NEK8: variants seen among roughly 807,000 people sequenced by gnomAD.
NEK8 encodes NIMA related kinase 8.
A neutral mutation model predicts 77.2 loss-of-function variants in NEK8; 51 were observed. The observed-to-expected ratio is 0.66, with a 90% CI of 0.53 to 0.83. The LOEUF is 0.83. Among genes scored for constraint, NEK8 ranks in the 40% least tolerant of loss-of-function variants. The pLI, the probability that NEK8 is intolerant of heterozygous loss-of-function variation, is 0.00. For missense variants in NEK8, 787 were observed against 909.2 expected (o/e 0.87, Z 1.73); for synonymous variants, 365 against 363.2 (o/e 1.00, Z -0.06).
In NEK8 at chr17:28,742,144, GAT is replaced by G; in HGVS notation, c.*160_*161del. 1 of 799,844 alleles carries G rather than the reference GAT, an allele frequency of 1.3e-6. No homozygotes were observed. Among genetic ancestry groups the G allele is most frequent in the East Asian group, 2.5e-5 (1 of 40,704 alleles). The allele number at this position is 799,844 out of a possible 1,614,324, so 49.5% of individuals were successfully genotyped here. On this transcript the variant is annotated 3_prime_UTR_variant, in exon 15 of 15. Transcript: ENST00000268766. ...AACCCCTGCTCTGCTTTTGGCCTTG[GAT>G]ATGGAAACCTCAACCACTTTGTTCT... is the stretch of plus-strand genomic sequence containing the variant.
In NEK8 at chr17:28,740,888, G is replaced by A. The variant is rs1266091061; in HGVS notation, c.1635G>A (p.Glu545=). The change falls in exon 12 of 15, where the codon GAG becomes GAA. Residue 545 remains glutamate (E), a synonymous_variant. Transcript: ENST00000268766. The surrounding 1 kb of genome is among the most constrained non-coding windows in gnomAD (Gnocchi z 4.7). ...GEEPVPHQQV[E]EALSFTLLGS... is the part of the protein sequence containing the mutation. ...AGCCTGTCCCCCACCAGCAAGTGGAGGAGGCCCTGAGCTTCACACTACTAG... is the reference window on the plus strand; with the variant it reads ...AGCCTGTCCCCCACCAGCAAGTGGAAGAGGCCCTGAGCTTCACACTACTAG... 1 of 1,614,126 alleles carries A rather than the reference G, an allele frequency of 6.2e-7. No individual in the cohort carries two copies. Among genetic ancestry groups the A allele is most frequent in the Admixed American group, 1.7e-5 (1 of 60,024 alleles).
At position 28,741,926 on chromosome 17, in the gene NEK8, A is replaced by C. The variant is rs756888774; in HGVS notation, c.2051-33A>C. 1 of 1,613,714 alleles carries C rather than the reference A, an allele frequency of 6.2e-7. No homozygotes were observed. Among genetic ancestry groups the C allele is most frequent in the Non-Finnish European group, 8.5e-7 (1 of 1,179,660 alleles). ...TGATTTCTGGAGGCACTGCCCTCAG[A>C]AGCTGCAAGGGTTTCTCTTCGGTAC... On this transcript the variant is annotated intron_variant, in intron 14 of 14. Coordinates refer to ENST00000268766, the MANE Select transcript of NEK8 (RefSeq NM_178170.3). This position sits in a 1 kb window ranked among gnomAD's most constrained non-coding sequence, Gnocchi z 4.5.
At position 28,737,508 on chromosome 17, in the gene NEK8, T is replaced by C. The variant is rs2034376556; in HGVS notation, c.821T>C (p.Met274Thr). ...CACACCGACGTGGGCAGTGTCCGCA[T>C]GCGGAGGCCTGTGCAGGGACAGCGA... ...NLHTDVGSVRMRRAEKSVAPS... is the reference protein window; with the variant it reads ...NLHTDVGSVRTRRAEKSVAPS... The change falls in exon 5 of 15, where the codon ATG becomes ACG. Residue 274 changes from methionine (M) to threonine (T), a missense_variant. Physicochemically the swap from Met to Thr is moderately conservative, Grantham distance 81. Transcript: ENST00000268766. The surrounding 1 kb of genome is among the most constrained non-coding windows in gnomAD (Gnocchi z 4.8). 1 of 1,613,002 alleles carries C rather than the reference T, an allele frequency of 6.2e-7. No individual in the cohort carries two copies. Among genetic ancestry groups the C allele is most frequent in the South Asian group, 1.1e-5 (1 of 91,060 alleles).
intron 4 of NEK8, among the ~76,000 whole-genome samples, 165 bp downstream of exon 4, chr17:28,735,536 A>G (rs1460840696): frequency 6.6e-6 from 1 of 151,974 alleles, no homozygotes; most frequent in Non-Finnish European, 1.5e-5. Context: ...TGGATTTCTG[A>G]GAGTAGGTCT....
At chr17:28,733,411 T>C (rs1219641500) in intron 1 of NEK8, among the ~76,000 whole-genome samples, 9 of 152,206 alleles carry the variant, frequency 5.9e-5, no homozygotes, top group Non-Finnish European at 1.5e-5. Flanking sequence ...GATCAGCTTA[T>C]AGTCCACTCA....
chr17:28,734,593 A>G (rs1272119642), intron 2 of NEK8, 179 bp from the exon 3 acceptor site: 3 of 614,618 alleles, frequency 4.9e-6, no homozygotes, highest in Non-Finnish European at 5.8e-6. Flanking sequence ...CTGAGGCAGG[A>G]GAATGGCTTG....
chr17:28,729,532 A>ATTTTTTTTTTTTTTTTTTTTTTTTTT (rs10523946), intron 1 of NEK8, among the ~76,000 whole-genome samples: 1 of 98,352 alleles, frequency 1.0e-5, no homozygotes. Context: ...AATTTTTTGG[A>ATTTTTTTTTTTTTTTTTTTTTTTTTT]TTTTTTTTTT....
rs372990541 is a variant in NEK8 at position 28,740,627 on chromosome 17, C to T, written c.1568+14C>T. 78 of 1,613,888 alleles carry T rather than the reference C, an allele frequency of 4.8e-5. No homozygotes were observed. The African/African-American group carries it at 1.0e-3, about 21-fold the overall frequency. Reference sequence around the variant, plus strand: ...TGGGAGCAACAGGTGAATAGATCATCAGGATGACTAACCTGCCCCTGGCTC... The same window carrying T: ...TGGGAGCAACAGGTGAATAGATCATTAGGATGACTAACCTGCCCCTGGCTC... On this transcript the variant is annotated intron_variant, in intron 11 of 14. Coordinates refer to ENST00000268766, the MANE Select transcript of NEK8 (RefSeq NM_178170.3). The surrounding 1 kb of genome is among the most constrained non-coding windows in gnomAD (Gnocchi z 4.7).
intron 1 of NEK8, among the ~76,000 whole-genome samples, chr17:28,729,623 A>C (rs1214398681): frequency 2.1e-5 from 3 of 145,912 alleles, no homozygotes; most frequent in African/African-American, 7.7e-5. Flanking sequence ...GCTCACTGCA[A>C]CCTCTGCCTC....
chr17:28,730,664 C>A (rs1409013812), intron 1 of NEK8, among the ~76,000 whole-genome samples: 1 of 152,114 alleles, frequency 6.6e-6, no homozygotes, highest in Non-Finnish European at 1.5e-5. Flanking sequence ...CGCCTATAAT[C>A]CTAGCACTTT....
chr17:28,731,992 G>T (rs1020553708), intron 1 of NEK8, among the ~76,000 whole-genome samples: 3 of 113,526 alleles, frequency 2.6e-5, no homozygotes, highest in East Asian at 6.0e-4. Flanking sequence ...CTGCAGTGGC[G>T]CAATCTAGGC....
In NEK8 at chr17:28,741,004, C is replaced by G. The variant is rs534019850; in HGVS notation, c.1732+19C>G. On this transcript the variant is annotated intron_variant, in intron 12 of 14. Coordinates refer to ENST00000268766, the MANE Select transcript of NEK8 (RefSeq NM_178170.3). This position sits in a 1 kb window ranked among gnomAD's most constrained non-coding sequence, Gnocchi z 4.5. The stretch of plus-strand genomic sequence containing the variant: ...GTGACTGGTGAGGAGGACTTGGGCT[C>G]TGGAGGTCAGAGGGGGACTCACGGT... The G allele has an allele frequency of 6.2e-7, 1 of 1,614,084 alleles. No homozygotes were observed. The highest frequency in any genetic ancestry group is 2.2e-5 in the East Asian group (1 of 44,896).
intron 1 of NEK8, among the ~76,000 whole-genome samples, chr17:28,730,092 T>C (rs2034292031): frequency 6.6e-6 from 1 of 152,164 alleles, no homozygotes; most frequent in Admixed American, 6.6e-5. Flanking sequence ...AAGGTTCATT[T>C]GCCACAAACG....
chr17:28,731,413 C>T (rs2034305396), intron 1 of NEK8, among the ~76,000 whole-genome samples: 1 of 151,108 alleles, frequency 6.6e-6, no homozygotes, highest in African/African-American at 2.4e-5. Context: ...GTGGCACGCG[C>T]CTGTAGTCCC....
rs566544215 is a variant in NEK8, at chr17:28,740,955, C to A, written c.1702C>A (p.Leu568Met). 11 of 1,614,148 alleles carry A rather than the reference C, an allele frequency of 6.8e-6. No homozygotes were observed. In the South Asian group the frequency reaches 1.2e-4, roughly 18 times the overall value. The change falls in exon 12 of 15, where the codon CTG (leucine) becomes ATG (methionine). Residue 568 changes from leucine (L) to methionine (M), a missense_variant. Around this residue, in one of 2 missense-constraint regions of NEK8, gnomAD observed 516 missense variants for 544.0 expected, o/e 0.95. Transcript: ENST00000268766. This position sits in a 1 kb window ranked among gnomAD's most constrained non-coding sequence, Gnocchi z 4.7. ...CCAGGAGCCTCTGCTGAGTATAGAC[C>A]TGGGCACTGCTCACTCAGCTGCTGT... ...LDQEPLLSID[L>M]GTAHSAAVTA... is the part of the protein sequence containing the mutation.
intron 1 of NEK8, among the ~76,000 whole-genome samples, chr17:28,731,528 A>G (rs555872831): frequency 6.6e-6 from 1 of 151,808 alleles, no homozygotes; most frequent in South Asian, 2.1e-4. Flanking sequence ...ACAGAGTGAG[A>G]CTCCTTCTCA....
At position 28,737,619 on chromosome 17, in the gene NEK8, CTGCA is replaced by C; in HGVS notation, c.828-53_828-50del. 1 of 1,614,052 alleles carries C rather than the reference CTGCA, an allele frequency of 6.2e-7. No homozygotes were observed. The stretch of plus-strand genomic sequence containing the variant: ...GAAACCTGGGGCAAGTCCTCCCTTC[CTGCA>C]TGTAGGAATGTCAGGAGGGTCTTTG... On this transcript the variant is annotated intron_variant, in intron 5 of 14. Coordinates refer to ENST00000268766, the MANE Select transcript of NEK8 (RefSeq NM_178170.3). This position sits in a 1 kb window ranked among gnomAD's most constrained non-coding sequence, Gnocchi z 4.8.
intron 1 of NEK8, among the ~76,000 whole-genome samples, chr17:28,733,706 A>C (rs1567758987): frequency 6.6e-6 from 1 of 152,200 alleles, no homozygotes; most frequent in Non-Finnish European, 1.5e-5. Context: ...CCAGATAACT[A>C]GTAAGAGGAG....
intron 8 of NEK8, 122 bp from the exon 9 acceptor site, chr17:28,738,549 C>G (rs2034389947): frequency 1.2e-6 from 1 of 867,202 alleles, no homozygotes; most frequent in Non-Finnish European, 1.9e-6. Context: ...CTCTTCCTAT[C>G]CCATCCTTCC....
Sources: gnomAD v4.1 joint callset for allele counts (sites outside exome capture counted in the v4.1 genomes callset) on GRCh38, gnomAD v4.1.1 for gene constraint, gnomAD v4.1.1 regional missense constraint, Gnocchi (gnomAD v3.1) non-coding constraint, MANE v1.5 for transcripts, NCBI Gene and HGNC (gene_info 2026-07-23, HGNC 2026-07-21) for gene names.